FAM107A: variants seen among roughly 807,000 people sequenced by gnomAD.
FAM107A encodes family with sequence similarity 107 member A.
Under a neutral mutation model 13.7 loss-of-function variants are expected in FAM107A, and 19 were observed. That is an observed-to-expected ratio of 1.38 (90% confidence interval 0.97 to 2.03). The LOEUF is 2.03. Among genes scored for constraint, FAM107A ranks in the 30% most tolerant of loss-of-function variants. The pLI, the probability that FAM107A is intolerant of heterozygous loss-of-function variation, is 0.00. For missense variants in FAM107A, 203 were observed against 184.4 expected, an observed-to-expected ratio of 1.10 and a Z score of -0.58; for synonymous variants, 82 against 74.5, an observed-to-expected ratio of 1.10 and a Z score of -0.52.
exon 1 of FAM107A, chr3:58,586,886 C>G (rs975718492): frequency 4.6e-6 from 7 of 1,533,272 alleles, no homozygotes; most frequent in Non-Finnish European, 5.2e-6. Flanking sequence ...CCCGGTAGAG[C>G]CCGGTGGCAT....
intron 1 of FAM107A, among the ~76,000 whole-genome samples, chr3:58,586,035 G>A (rs2065602217): frequency 6.6e-6 from 1 of 152,172 alleles, no homozygotes; most frequent in Non-Finnish European, 1.5e-5. Flanking sequence ...CCAAATAGTT[G>A]CATGCACACA....
chr3:58,601,370 T>G (rs1433569179), intron 1 of FAM107A, among the ~76,000 whole-genome samples: 1 of 152,202 alleles, frequency 6.6e-6, no homozygotes, highest in East Asian at 1.9e-4. Flanking sequence ...TGATCTATCT[T>G]TTAGAAAGTG....
intron 1 of FAM107A, among the ~76,000 whole-genome samples, chr3:58,620,700 G>C (rs1464292018): frequency 6.6e-6 from 1 of 152,224 alleles, no homozygotes; most frequent in Non-Finnish European, 1.5e-5. Flanking sequence ...CTGGTAGAGG[G>C]TGGGCCGGAT....
At chr3:58,627,075 A>G in intron 1 of FAM107A, 2 of 1,404,470 alleles carry the variant, frequency 1.4e-6, no homozygotes, top group Non-Finnish European at 9.7e-7. Context: ...CTCAGGAGCC[A>G]GGACCCAAGG....
chr3:58,587,158 G>C, upstream of FAM107A: 2 of 1,329,504 alleles, frequency 1.5e-6, no homozygotes, highest in Non-Finnish European at 1.9e-6. Context: ...CCAGGTAGCA[G>C]GCAGGGCGCG....
chr3:58,623,439 C>T (rs993680758), intron 1 of FAM107A, among the ~76,000 whole-genome samples: 2 of 152,206 alleles, frequency 1.3e-5, no homozygotes, highest in African/African-American at 4.8e-5. Context: ...GCAGAAGCTC[C>T]ACCTGCAGCC....
chr3:58,587,433 A>G (rs917501146), upstream of FAM107A, among the ~76,000 whole-genome samples: 4 of 152,080 alleles, frequency 2.6e-5, no homozygotes, highest in African/African-American at 9.7e-5. Context: ...CGGAATAACC[A>G]GAGTACTTTC....
intron 1 of FAM107A, among the ~76,000 whole-genome samples, chr3:58,583,808 G>A (rs954222484): frequency 1.3e-5 from 2 of 151,928 alleles, no homozygotes; most frequent in African/African-American, 4.8e-5. Flanking sequence ...AGCCTCCTGA[G>A]TAGCTAGGAC....
At chr3:58,616,565 ACAC>A (rs1174901309) in intron 1 of FAM107A, among the ~76,000 whole-genome samples, 1 of 144,784 alleles carries the variant, frequency 6.9e-6, no homozygotes, top group Non-Finnish European at 1.5e-5. Context: ...ACACACACAC[ACAC>A]CACCACTACC....
chr3:58,566,715 A>G lies in FAM107A; in HGVS notation c.328-20T>C, dbSNP rs571218791. On this transcript the variant is annotated intron_variant, in intron 3 of 3. Coordinates refer to ENST00000360997, the MANE Select transcript of FAM107A (RefSeq NM_001076778.3). ...TTCCAGCTGAAGGAGGGAGAAGCAG[A>G]GAGTGAAGTGGGTGGAGCTAGGGGG... 171 of 1,576,976 alleles carry G rather than the reference A, an allele frequency of 1.1e-4. 1 individual carries two copies. In the South Asian group the frequency reaches 1.8e-3, roughly 17 times the overall value.
Position 58,613,282 on chromosome 3 carries a change from G to A in FAM107A, c.-70+14134C>T, listed in dbSNP as rs1026326450. ...CTGAGAGATCAAGGAGGTGGCCAAG[G>A]TTACAGAGCTAGTGAGATGGGGAGC... is the stretch of plus-strand genomic sequence containing the variant. On this transcript the variant is annotated intron_variant, in intron 1 of 3. Coordinates refer to the FAM107A transcript ENST00000465970. The surrounding 1 kb of genome is among the most constrained non-coding windows in gnomAD (Gnocchi z 4.6). Among the ~76,000 whole-genome samples, 4 of 152,204 alleles carry A rather than the reference G, an allele frequency of 2.6e-5. No homozygotes were observed. The highest frequency in any genetic ancestry group is 9.7e-5 in the African/African-American group (4 of 41,438).
At chr3:58,580,411 ATTT>A (rs35805159), upstream of FAM107A, among the ~76,000 whole-genome samples, 8 of 89,022 alleles carry the variant, frequency 9.0e-5, no homozygotes, top group Admixed American at 2.5e-4. Context: ...AGGAATCTGG[ATTT>A]TTTTTTTTTT....
At position 58,574,617 on chromosome 3, in the gene FAM107A, G is replaced by A. The variant is rs186459336; in HGVS notation, c.-6+2692C>T. Among the ~76,000 whole-genome samples, 785 of 152,326 alleles carry A rather than the reference G, an allele frequency of 5.2e-3. 2 individuals carry two copies. Among genetic ancestry groups the A allele is most frequent in the Non-Finnish European group, 8.8e-3 (601 of 68,028 alleles). On this transcript the variant is annotated intron_variant, in intron 1 of 3. Transcript: ENST00000360997. The stretch of plus-strand genomic sequence containing the variant: ...TTGGATGAGCTAAAGAGCTGGGCAT[G>A]GGGTGGAGGCCACCAGTAGGCGACA...
At chr3:58,616,572 C>T (rs1559487544) in intron 1 of FAM107A, among the ~76,000 whole-genome samples, 3 of 149,976 alleles carry the variant, frequency 2.0e-5, no homozygotes, top group East Asian at 3.9e-4. Flanking sequence ...CACACACCAC[C>T]ACTACCACCA....
chr3:58,607,566 ATGTGCATGTATGTGTGTATACG>A (rs138564281), intron 1 of FAM107A: 45,306 of 151,550 alleles, frequency 0.3, 7,487 homozygotes, highest in East Asian at 0.62. Context: ...GGATTTGTAT[ATGTGCATGTATGTGTGTATACG>A]TGTGCATGTA....
At position 58,569,367 on chromosome 3, in the gene FAM107A, C is replaced by A. The variant is rs1488116386; in HGVS notation, c.170+324G>T. Among the ~76,000 whole-genome samples, 1 of 152,204 alleles carries A rather than the reference C, an allele frequency of 6.6e-6. No individual in the cohort carries two copies. Among genetic ancestry groups the A allele is most frequent in the Non-Finnish European group, 1.5e-5 (1 of 68,024 alleles). ...CCGTCCCTGTCTGTGAGGACAGGAA[C>A]TGGGTCCCATTCATTCTTGTATCCC... On this transcript the variant is annotated intron_variant, in intron 2 of 3. Coordinates refer to ENST00000360997, the MANE Select transcript of FAM107A (RefSeq NM_001076778.3). The surrounding 1 kb of genome is among the most constrained non-coding windows in gnomAD (Gnocchi z 5.7).
At chr3:58,587,069 A>ACGG in exon 1 of FAM107A, 7 of 1,359,860 alleles carry the variant, frequency 5.1e-6, no homozygotes, top group Non-Finnish European at 6.6e-6. Flanking sequence ...GGGTCAAGTT[A>ACGG]CGGCGGCGGC....
At chr3:58,583,701 G>A (rs1271925111) in intron 1 of FAM107A, among the ~76,000 whole-genome samples, 1 of 151,492 alleles carries the variant, frequency 6.6e-6, no homozygotes, top group East Asian at 1.9e-4. Context: ...TTTGGGGGGG[G>A]ACACGGTCTT....
At chr3:58,577,409 G>A, upstream of FAM107A, 2 of 985,366 alleles carry the variant, frequency 2.0e-6, no homozygotes, top group Non-Finnish European at 2.4e-6. The surrounding 1 kb of genome is among the most constrained non-coding windows in gnomAD (Gnocchi z 4.9). Flanking sequence ...GCCTCTAGAG[G>A]GCGGTTCTTA....
Sources: allele counts gnomAD v4.1 joint callset (sites outside exome capture counted in the v4.1 genomes callset), GRCh38; gene constraint gnomAD v4.1.1; non-coding constraint Gnocchi (gnomAD v3.1); transcripts MANE v1.5; gene names NCBI Gene and HGNC (gene_info 2026-07-23, HGNC 2026-07-21).